Variants in ULK4 observed in about 807,000 individuals in gnomAD.
ULK4 encodes the protein unc-51 like kinase 4, also known as inactive serine/threonine-protein kinase ULK4.
A neutral mutation model predicts 160.6 loss-of-function variants in ULK4; 133 were observed. The observed-to-expected ratio is 0.83, with a 90% CI of 0.72 to 0.96. The LOEUF (loss-of-function observed/expected upper bound fraction) is 0.96, where lower values mean the gene tolerates loss of function less well. Ranked by LOEUF, ULK4 falls within the 40% of genes least tolerant of loss-of-function variation. The pLI is 0.00. For synonymous variants in ULK4, 534 were observed against 539.8 expected, an observed-to-expected ratio of 0.99 and a Z score of 0.15; for missense variants, 1,580 against 1,499.5, an observed-to-expected ratio of 1.05 and a Z score of -0.89.
At chr3:41,739,519 T>C (rs1363423220) in intron 22 of ULK4, among the ~76,000 whole-genome samples, 2 of 151,906 alleles carry the variant, frequency 1.3e-5, no homozygotes, top group Non-Finnish European at 2.9e-5. Flanking sequence ...AACTCATATA[T>C]ATGCTGATTC....
intron 21 of ULK4, among the ~76,000 whole-genome samples, chr3:41,755,974 C>T (rs974897407): frequency 6.6e-6 from 1 of 152,156 alleles, no homozygotes; most frequent in African/African-American, 2.4e-5. Context: ...CACGCACACA[C>T]ACATGCACAC....
chr3:41,672,561 T>C (rs190970281), intron 29 of ULK4, among the ~76,000 whole-genome samples: 1 of 151,750 alleles, frequency 6.6e-6, no homozygotes, highest in Admixed American at 6.6e-5. Context: ...ATAGGTAGAG[T>C]GGGGAATGAA....
At chr3:41,715,421 C>T (rs761386427) in intron 24 of ULK4, 26 bp downstream of exon 24, 1 of 1,613,906 alleles carries the variant, frequency 6.2e-7, no homozygotes. Context: ...AAATTTATAT[C>T]CTTTTCCTCC....
intron 35 of ULK4, among the ~76,000 whole-genome samples, chr3:41,320,278 A>G (rs2080222058): frequency 1.3e-5 from 2 of 152,190 alleles, no homozygotes; most frequent in Admixed American, 6.5e-5. Context: ...CATTATAATT[A>G]TGAGATAATC....
chr3:41,617,043 C>T (rs552703433), intron 30 of ULK4, among the ~76,000 whole-genome samples: 11 of 152,312 alleles, frequency 7.2e-5, no homozygotes, highest in Non-Finnish European at 1.5e-4. Flanking sequence ...GGCCAGACTG[C>T]TTCTCTAGAT....
At position 41,879,553 on chromosome 3, in the gene ULK4, T is replaced by C. The variant is rs577794999; in HGVS notation, c.1656+4321A>G. On this transcript the variant is annotated intron_variant, in intron 17 of 36. Coordinates refer to ENST00000301831, the MANE Select transcript of ULK4 (RefSeq NM_017886.4). Reference sequence around the variant, plus strand: ...CTCTGTTGCCCAAGCTGGAGTGCAATAGCATGATAATAGCCCACTACAGCC... The same window carrying C: ...CTCTGTTGCCCAAGCTGGAGTGCAACAGCATGATAATAGCCCACTACAGCC... Among the ~76,000 whole-genome samples the C allele has an allele frequency of 1.9e-3, 282 of 150,540 alleles. 1 individual carries two copies. Among genetic ancestry groups the C allele is most frequent in the Non-Finnish European group, 3.6e-3 (243 of 67,794 alleles).
rs201647781 is a variant in ULK4, at chr3:41,721,359, TATA to T, written c.2322-3501_2322-3499del. Among the ~76,000 whole-genome samples, 164 of 62,160 alleles carry T rather than the reference TATA, an allele frequency of 2.6e-3. 1 individual carries two copies. Among genetic ancestry groups the T allele is most frequent in the African/African-American group, 7.2e-3 (72 of 10,040 alleles). The allele number at this position is 62,160 out of a possible 152,430, so 40.8% of individuals were successfully genotyped here. On this transcript the variant is annotated intron_variant, in intron 22 of 36. Coordinates refer to ENST00000301831, the MANE Select transcript of ULK4 (RefSeq NM_017886.4). ...ATATATATATATATATATATATATA[TATA>T]TTTTTTTTTTTTTTTTTTTGAAACG...
chr3:41,835,795 A>G (rs1222345801), intron 18 of ULK4, 69 bp downstream of exon 18: 16 of 1,231,964 alleles, frequency 1.3e-5, no homozygotes, highest in Non-Finnish European at 1.9e-5. Flanking sequence ...TTTATAGGAT[A>G]TTAATACTTG....
intron 32 of ULK4, among the ~76,000 whole-genome samples, chr3:41,561,847 C>T (rs932765076): frequency 2.0e-5 from 3 of 151,814 alleles, no homozygotes; most frequent in Non-Finnish European, 2.9e-5. Flanking sequence ...GGGTTTTTTG[C>T]GTCTCTGTCT....
chr3:41,746,419 C>T (rs2038426932), intron 22 of ULK4, among the ~76,000 whole-genome samples: 1 of 150,510 alleles, frequency 6.6e-6, no homozygotes, highest in African/African-American at 2.5e-5. Flanking sequence ...CAATTGCTTC[C>T]CTCCAAAAAG....
chr3:41,445,987 C>T (rs1290502860), intron 34 of ULK4, among the ~76,000 whole-genome samples: 10 of 151,876 alleles, frequency 6.6e-5, no homozygotes, highest in Non-Finnish European at 1.5e-4. Flanking sequence ...TGACAAAGGG[C>T]TAATATCAAG....
intron 22 of ULK4, among the ~76,000 whole-genome samples, chr3:41,730,811 T>C (rs2037797019): frequency 6.6e-6 from 1 of 152,128 alleles, no homozygotes; most frequent in African/African-American, 2.4e-5. Context: ...CAGGCCAATA[T>C]CCTTGATGAA....
At chr3:41,944,963 C>A (rs1700070145) in intron 2 of ULK4, among the ~76,000 whole-genome samples, 1 of 152,150 alleles carries the variant, frequency 6.6e-6, no homozygotes, top group South Asian at 2.1e-4. Flanking sequence ...TTACAGAGAA[C>A]AGAATATATT....
At chr3:41,688,589 T>C (rs957393582) in intron 27 of ULK4, among the ~76,000 whole-genome samples, 2 of 151,940 alleles carry the variant, frequency 1.3e-5, no homozygotes, top group Non-Finnish European at 2.9e-5. Context: ...GTACAGAATG[T>C]CAATTTCTTT....
At chr3:41,368,428 A>G (rs2081296200) in intron 35 of ULK4, among the ~76,000 whole-genome samples, 1 of 152,220 alleles carries the variant, frequency 6.6e-6, no homozygotes, top group South Asian at 2.1e-4. Context: ...AGTGCTTTTT[A>G]GTATATTCAC....
At chr3:41,708,337 G>T (rs911205833) in intron 25 of ULK4, among the ~76,000 whole-genome samples, 1 of 152,068 alleles carries the variant, frequency 6.6e-6, no homozygotes, top group Non-Finnish European at 1.5e-5. Flanking sequence ...AAATATACAC[G>T]ATGGAATTGT....
chr3:41,858,374 A>G (rs2042419408), intron 17 of ULK4, among the ~76,000 whole-genome samples: 1 of 149,256 alleles, frequency 6.7e-6, no homozygotes, highest in Admixed American at 6.7e-5. Context: ...CTGGTCTCCA[A>G]CTCCTGTCCT....
intron 34 of ULK4, among the ~76,000 whole-genome samples, chr3:41,432,031 T>TCAGC (rs889730882): frequency 6.6e-6 from 1 of 152,120 alleles, no homozygotes; most frequent in Non-Finnish European, 1.5e-5. Flanking sequence ...GACCTCGTGA[T>TCAGC]CCACCCACCT....
At chr3:41,314,815 CTGTG>C (rs35458996) in intron 35 of ULK4, among the ~76,000 whole-genome samples, 6 of 149,546 alleles carry the variant, frequency 4.0e-5, no homozygotes, top group African/African-American at 1.2e-4. Flanking sequence ...TGCAGTGTGT[CTGTG>C]TGTGTGTGTG....
Sources: gnomAD v4.1 joint callset for allele counts (sites outside exome capture counted in the v4.1 genomes callset) on GRCh38, gnomAD v4.1.1 for gene constraint, MANE v1.5 for transcripts, NCBI Gene and HGNC (gene_info 2026-07-23, HGNC 2026-07-21) for gene names.